Variants in IL1RAPL2 observed in about 807,000 individuals in gnomAD.
IL1RAPL2 encodes the protein X-linked interleukin-1 receptor accessory protein-like 2.
IL1RAPL2 carries 3 observed loss-of-function variants against 44.1 expected under a neutral mutation model. The observed-to-expected ratio is 0.07, with a 90% CI of 0.03 to 0.18. IL1RAPL2 has a LOEUF of 0.18. Ranked by LOEUF, IL1RAPL2 falls within the 10% of genes least tolerant of loss-of-function variation. IL1RAPL2 has a pLI of 1.00. For missense variants in IL1RAPL2, 391 were observed against 496.4 expected (o/e 0.79, Z 2.02); for synonymous variants, 181 against 178.8 (o/e 1.01, Z -0.10).
chrX:105,035,737 GA>G (rs750473183), intron 2 of IL1RAPL2, among the ~76,000 whole-genome samples: 3 of 112,125 alleles, frequency 2.7e-5, no homozygotes, highest in African/African-American at 6.5e-5. Flanking sequence ...GGTCAAAGGA[GA>G]AAAAATCACA....
chrX:105,087,658 T>G (rs58091545), intron 2 of IL1RAPL2, among the ~76,000 whole-genome samples: 9,262 of 111,460 alleles, frequency 0.083, 982 homozygotes, highest in African/African-American at 0.29. Flanking sequence ...TTCTAATAAT[T>G]ACTACTTGTG....
intron 6 of IL1RAPL2, among the ~76,000 whole-genome samples, chrX:105,682,080 T>A (rs1330422577): frequency 1.8e-5 from 2 of 111,978 alleles, no homozygotes; most frequent in Non-Finnish European, 3.8e-5. Context: ...AAAATTTGGT[T>A]TTTTCTTTGA....
rs1351641710 is a variant in IL1RAPL2, at chrX:104,710,001, T to C, written c.82+51006T>C. ...AAAAAAAAGAAACAAACAGCAAAGT[T>C]GTGGGGAAATTAGAACACTCCTGCA... is the stretch of plus-strand genomic sequence containing the variant. On this transcript the variant is annotated intron_variant, in intron 2 of 10. Coordinates refer to ENST00000372582, the MANE Select transcript of IL1RAPL2 (RefSeq NM_017416.2). 9.0e-5 allele frequency among the ~76,000 whole-genome samples: 10 copies of C among 111,138 alleles called. No individual in the cohort carries two copies. The Admixed American group carries it at 9.6e-4, about 11-fold the overall frequency.
intron 2 of IL1RAPL2, among the ~76,000 whole-genome samples, chrX:104,997,246 C>T (rs965839426): frequency 9.0e-6 from 1 of 111,693 alleles, no homozygotes; most frequent in Non-Finnish European, 1.9e-5. Flanking sequence ...TGTAAAATGT[C>T]TCACAAATAA....
Position 105,701,686 on chromosome X carries a change from C to T in IL1RAPL2, c.773-15681C>T, listed in dbSNP as rs750418937. Among the ~76,000 whole-genome samples, 14 of 111,454 alleles carry T rather than the reference C, an allele frequency of 1.3e-4. No homozygotes were observed. The East Asian group carries it at 3.1e-3, about 25-fold the overall frequency. On this transcript the variant is annotated intron_variant, in intron 6 of 10. Transcript: ENST00000372582. ...TCTCTCATACTCCATAATGACAGTT[C>T]GACTCCTTACCAATTTATTTGATCA...
intron 2 of IL1RAPL2, among the ~76,000 whole-genome samples, chrX:105,104,172 A>G (rs1269100780): frequency 1.8e-5 from 2 of 111,347 alleles, no homozygotes; most frequent in Non-Finnish European, 3.8e-5. Context: ...CAGACCAGCT[A>G]TAGTCTCAGA....
chrX:105,113,799 C>T (rs1394547563), intron 2 of IL1RAPL2, among the ~76,000 whole-genome samples: 1 of 111,935 alleles, frequency 8.9e-6, no homozygotes, highest in Non-Finnish European at 1.9e-5. Context: ...CCTTTTTCTT[C>T]TCCATATTCT....
chrX:104,719,859 C>T (rs767780765), intron 2 of IL1RAPL2, among the ~76,000 whole-genome samples: 8 of 111,116 alleles, frequency 7.2e-5, no homozygotes, highest in South Asian at 3.8e-4. Context: ...ATGTAGACAC[C>T]GCATAATGTC....
At chrX:105,279,477 G>A (rs1041521956) in intron 5 of IL1RAPL2, among the ~76,000 whole-genome samples, 2 of 110,928 alleles carry the variant, frequency 1.8e-5, no homozygotes, top group African/African-American at 6.6e-5. Context: ...ATTATTTTTT[G>A]TTTGTTTGTT....
intron 2 of IL1RAPL2, among the ~76,000 whole-genome samples, chrX:104,907,281 G>GT (rs1244461277): frequency 9.0e-6 from 1 of 111,510 alleles, no homozygotes; most frequent in African/African-American, 3.3e-5. Context: ...TTTTTGAAGG[G>GT]TTTTTTGTGT....
At chrX:105,102,003 T>C (rs1411872106) in intron 2 of IL1RAPL2, among the ~76,000 whole-genome samples, 2 of 112,002 alleles carry the variant, frequency 1.8e-5, no homozygotes, top group African/African-American at 3.2e-5. Flanking sequence ...TGATGTGGAA[T>C]AGAAAAATTA....
intron 6 of IL1RAPL2, among the ~76,000 whole-genome samples, chrX:105,579,809 G>A (rs2037075947): frequency 9.0e-6 from 1 of 111,144 alleles, no homozygotes; most frequent in African/African-American, 3.3e-5. Context: ...TATTGCCCCA[G>A]AACATCAACA....
At chrX:104,611,578 C>T (rs1209882817) in intron 1 of IL1RAPL2, among the ~76,000 whole-genome samples, 1 of 111,210 alleles carries the variant, frequency 9.0e-6, no homozygotes, top group Non-Finnish European at 1.9e-5. Context: ...TGGCTCACAC[C>T]TGTAATCTCA....
intron 2 of IL1RAPL2, among the ~76,000 whole-genome samples, chrX:104,771,903 T>G (rs1411804622): frequency 8.9e-6 from 1 of 112,027 alleles, no homozygotes; most frequent in Non-Finnish European, 1.9e-5. Context: ...ACATATTATG[T>G]ACATAATAAA....
chrX:105,370,642 G>T (rs2035331834), intron 5 of IL1RAPL2, among the ~76,000 whole-genome samples: 1 of 111,985 alleles, frequency 8.9e-6, no homozygotes, highest in African/African-American at 3.3e-5. Context: ...AGGTACTTAG[G>T]TTGATTCCAT....
At chrX:104,836,547 T>C (rs1352239079) in intron 2 of IL1RAPL2, among the ~76,000 whole-genome samples, 2 of 110,034 alleles carry the variant, frequency 1.8e-5, no homozygotes, top group Non-Finnish European at 3.8e-5. Context: ...ATACCTACTA[T>C]GTACCCACAA....
intron 2 of IL1RAPL2, among the ~76,000 whole-genome samples, chrX:104,931,585 G>A (rs1414905675): frequency 2.7e-5 from 3 of 111,487 alleles, no homozygotes; most frequent in Non-Finnish European, 5.6e-5. Context: ...AGCGAAAGCT[G>A]TGGTATTATT....
intron 6 of IL1RAPL2, among the ~76,000 whole-genome samples, chrX:105,640,793 T>TAGATAG (rs1305450841): frequency 1.5e-5 from 1 of 68,550 alleles, no homozygotes; most frequent in Non-Finnish European, 2.9e-5. Flanking sequence ...GATATAGATA[T>TAGATAG]AGATAGAGAG....
In IL1RAPL2 at chrX:104,628,239, G is replaced by A. The variant is rs1260246821; in HGVS notation, c.-19-30656G>A. The stretch of plus-strand genomic sequence containing the variant: ...GCTATTTTGAAATATATAATATATT[G>A]TTGTTAATTATAGTCACCCTACTCT... On this transcript the variant is annotated intron_variant, in intron 1 of 10. Transcript: ENST00000372582. Among the ~76,000 whole-genome samples the A allele has an allele frequency of 5.4e-5, 6 of 110,504 alleles. No homozygotes were observed. The East Asian group carries it at 8.6e-4, about 16-fold the overall frequency.
Sources: allele counts gnomAD v4.1 joint callset (sites outside exome capture counted in the v4.1 genomes callset), GRCh38; gene constraint gnomAD v4.1.1; transcripts MANE v1.5; gene names NCBI Gene and HGNC (gene_info 2026-07-23, HGNC 2026-07-21).